The following CMIP variants were observed in gnomAD, a reference collection of about 807,000 sequenced individuals.
CMIP encodes c-Maf inducing protein.
In CMIP, 13 loss-of-function variants were observed where a neutral mutation model predicts 97.3. That is an observed-to-expected ratio of 0.13 (90% CI 0.09 to 0.21). CMIP has a LOEUF of 0.21. Ranked by LOEUF, CMIP falls within the 10% of genes least tolerant of loss-of-function variation. CMIP has a pLI of 1.00. For missense variants in CMIP, 847 were observed against 1,024.9 expected (o/e 0.83, Z 2.37); for synonymous variants, 538 against 436.3 (o/e 1.23, Z -2.91).
intron 1 of CMIP, among the ~76,000 whole-genome samples, chr16:81,559,973 C>G (rs62046639): frequency 0.15 from 22,474 of 151,420 alleles, 1,947 homozygotes; most frequent in African/African-American, 0.24. Flanking sequence ...CGTGTTGAAT[C>G]GCCATGTCTA....
At chr16:81,682,744 G>A (rs1475030637) in intron 10 of CMIP, among the ~76,000 whole-genome samples, 2 of 152,236 alleles carry the variant, frequency 1.3e-5, no homozygotes, top group East Asian at 1.9e-4. Flanking sequence ...GGGGTAGTGG[G>A]GCGCAGGCCC....
intron 1 of CMIP, among the ~76,000 whole-genome samples, chr16:81,488,390 C>G (rs1419135942): frequency 6.6e-6 from 1 of 152,154 alleles, no homozygotes; most frequent in Non-Finnish European, 1.5e-5. Context: ...GTCTACCTCA[C>G]TGGGTTGCAG....
At chr16:81,667,793 A>AGTGTGTGTGTGTGT in intron 7 of CMIP, among the ~76,000 whole-genome samples, 1 of 89,576 alleles carries the variant, frequency 1.1e-5, no homozygotes, top group East Asian at 6.1e-4. Context: ...AGAGAGAGAG[A>AGTGTGTGTGTGTGT]GAGAGAGTGT....
intron 1 of CMIP, among the ~76,000 whole-genome samples, chr16:81,544,447 C>A (rs1307406559): frequency 6.8e-6 from 1 of 147,794 alleles, no homozygotes; most frequent in Non-Finnish European, 1.5e-5. Context: ...TGTGTGTGCG[C>A]GCACACAGGA....
intron 1 of CMIP, among the ~76,000 whole-genome samples, chr16:81,604,396 CAAAAAAAAAA>C (rs886259734): frequency 1.7e-5 from 1 of 58,682 alleles, no homozygotes; most frequent in Non-Finnish European, 3.6e-5. Context: ...AACTCTGTCT[CAAAAAAAAAA>C]AAAAAAAAAA....
Position 81,522,694 on chromosome 16 carries a change from C to T in CMIP, c.300+77153C>T, listed in dbSNP as rs78439303. Among the ~76,000 whole-genome samples the T allele has an allele frequency of 1.7e-3, 263 of 152,298 alleles. 7 individuals are homozygous for T. In the East Asian group the frequency reaches 0.048, roughly 28 times the overall value. Reference sequence around the variant, plus strand: ...TTAGTATCATAAAATCGCATTTCTACCGCCCCGACTAGAGCATTGTTAGTA... The same window carrying T: ...TTAGTATCATAAAATCGCATTTCTATCGCCCCGACTAGAGCATTGTTAGTA... On this transcript the variant is annotated intron_variant, in intron 1 of 20. Coordinates refer to ENST00000537098, the MANE Select transcript of CMIP (RefSeq NM_198390.3).
chr16:81,477,695 G>T (rs183282942), intron 1 of CMIP, among the ~76,000 whole-genome samples: 1 of 152,348 alleles, frequency 6.6e-6, no homozygotes, highest in East Asian at 1.9e-4. Flanking sequence ...AGGAAATCTA[G>T]GGTCTAAGTC....
At chr16:81,597,705 A>G (rs2091584473) in intron 1 of CMIP, among the ~76,000 whole-genome samples, 1 of 152,162 alleles carries the variant, frequency 6.6e-6, no homozygotes, top group Admixed American at 6.5e-5. Context: ...GGCTTGGGCC[A>G]GTTCCCCCAT....
chr16:81,488,878 T>C (rs1413493637), intron 1 of CMIP, among the ~76,000 whole-genome samples: 1 of 152,146 alleles, frequency 6.6e-6, no homozygotes, highest in African/African-American at 2.4e-5. Context: ...GCCACTGTCA[T>C]TGATGCTGGA....
rs755630056 is a variant in CMIP, at chr16:81,703,927, G to A, written c.1945-12G>A. 11 of 1,588,632 alleles carry A rather than the reference G, an allele frequency of 6.9e-6. No individual in the cohort carries two copies. In the East Asian group the frequency reaches 1.1e-4, roughly 17 times the overall value. On this transcript the variant is annotated splice_polypyrimidine_tract_variant and intron_variant, in intron 17 of 20. Transcript: ENST00000537098. ...AGCAGCACCCTCAGGCCTCTCCCCC[G>A]TCTGCCCGCAGGACGCTGACTTGGC...
intron 3 of CMIP, among the ~76,000 whole-genome samples, chr16:81,623,351 G>A (rs547268200): frequency 2.6e-4 from 39 of 152,326 alleles, no homozygotes; most frequent in African/African-American, 8.9e-4. Context: ...ATTTATGGTT[G>A]CTAAATTTAA....
At chr16:81,536,883 A>T (rs1194942452) in intron 1 of CMIP, among the ~76,000 whole-genome samples, 1 of 152,098 alleles carries the variant, frequency 6.6e-6, no homozygotes, top group Non-Finnish European at 1.5e-5. Flanking sequence ...CCAAATCAAG[A>T]GACAACATAC....
intron 3 of CMIP, among the ~76,000 whole-genome samples, chr16:81,642,506 G>C (rs1008809557): frequency 2.0e-5 from 3 of 152,212 alleles, no homozygotes; most frequent in East Asian, 1.9e-4. Flanking sequence ...GTGCTGTCCT[G>C]TGGCAAAATT....
chr16:81,593,279 T>G (rs1022948603), intron 1 of CMIP, among the ~76,000 whole-genome samples: 3 of 152,158 alleles, frequency 2.0e-5, no homozygotes, highest in African/African-American at 4.8e-5. Context: ...TTCTGTCGTC[T>G]TGATGAACCC....
intron 2 of CMIP, chr16:81,620,520 A>G (rs1167846291): frequency 8.3e-6 from 2 of 241,762 alleles, no homozygotes; most frequent in African/African-American, 2.2e-5. Flanking sequence ...AGCCCCCACC[A>G]TCCTCACTCC....
At chr16:81,691,998 G>A (rs1053437996) in intron 11 of CMIP, among the ~76,000 whole-genome samples, 158 bp downstream of exon 11, 23 of 152,176 alleles carry the variant, frequency 1.5e-4, no homozygotes, top group African/African-American at 5.6e-4. Context: ...GTCCTCAGCT[G>A]TGGGACCCCT....
At chr16:81,610,912 A>G (rs2091821398) in intron 2 of CMIP, among the ~76,000 whole-genome samples, 2 of 152,198 alleles carry the variant, frequency 1.3e-5, no homozygotes, top group East Asian at 1.9e-4. Flanking sequence ...GGTGTCACAG[A>G]GAACAACCCC....
chr16:81,547,501 G>C (rs2090569884), intron 1 of CMIP, among the ~76,000 whole-genome samples: 1 of 152,160 alleles, frequency 6.6e-6, no homozygotes, highest in Non-Finnish European at 1.5e-5. Flanking sequence ...AGGAGGGCCT[G>C]GTTTGCGGGG....
intron 2 of CMIP, chr16:81,610,560 C>T: frequency 1.0e-6 from 1 of 984,750 alleles, no homozygotes; most frequent in Non-Finnish European, 1.2e-6. Context: ...GCCCCTGCCC[C>T]TGGCGGCTGT....
Sources: allele counts gnomAD v4.1 joint callset (sites outside exome capture counted in the v4.1 genomes callset), GRCh38; gene constraint gnomAD v4.1.1; transcripts MANE v1.5; gene names NCBI Gene and HGNC (gene_info 2026-07-23, HGNC 2026-07-21).